SEMA3D: variants seen among roughly 807,000 people sequenced by gnomAD.
SEMA3D encodes the protein semaphorin-3D.
SEMA3D carries 84 observed loss-of-function variants against 100.1 expected under a neutral mutation model. That is an observed-to-expected ratio of 0.84 (90% CI 0.70 to 1.01). SEMA3D has a LOEUF of 1.01. SEMA3D is among the 50% of genes least tolerant of loss of function. The pLI, the probability that SEMA3D is intolerant of heterozygous loss-of-function variation, is 0.00. For missense variants in SEMA3D, 875 were observed against 934.1 expected (o/e 0.94, Z 0.82); for synonymous variants, 312 against 320.7 (o/e 0.97, Z 0.29).
chr7:85,073,153 G>C, intron 5 of SEMA3D, 72 bp from the exon 6 acceptor site: 2 of 1,329,030 alleles, frequency 1.5e-6, no homozygotes, highest in East Asian at 2.3e-5. Context: ...TATGCCACCT[G>C]TTTTCCAAGT....
intron 17 of SEMA3D, among the ~76,000 whole-genome samples, chr7:85,009,159 T>C (rs999341632): frequency 6.6e-6 from 1 of 151,696 alleles, no homozygotes; most frequent in Non-Finnish European, 1.5e-5. Context: ...ACATGTAAGA[T>C]AATTGTGGAG....
chr7:85,188,732 C>A (rs1438094793), upstream of SEMA3D, among the ~76,000 whole-genome samples: 1 of 151,884 alleles, frequency 6.6e-6, no homozygotes. Context: ...TCCCATTTTC[C>A]TCCTTTCTCT....
At chr7:85,241,467 G>GTGTGTGTATATATATATATATA in the SEMA3D span, among the ~76,000 whole-genome samples, 4 of 92,002 alleles carry the variant, frequency 4.3e-5, no homozygotes, top group African/African-American at 1.1e-4. Flanking sequence ...CTGTGTGTGT[G>GTGTGTGTATATATATATATATA]TATATATATA....
intron 1 of SEMA3D, among the ~76,000 whole-genome samples, chr7:85,173,940 C>CT (rs1436428989): frequency 1.3e-5 from 2 of 152,148 alleles, no homozygotes; most frequent in Admixed American, 6.6e-5. Context: ...ATCAAGGACT[C>CT]TGACACTTTT....
intron 8 of SEMA3D, among the ~76,000 whole-genome samples, chr7:85,060,011 G>A (rs1055502897): frequency 6.6e-6 from 1 of 152,240 alleles, no homozygotes; most frequent in East Asian, 1.9e-4. Flanking sequence ...TCAATGAGGT[G>A]GGAGGAGGAA....
intron 17 of SEMA3D, among the ~76,000 whole-genome samples, chr7:85,009,104 G>T (rs1224185150): frequency 6.6e-6 from 1 of 151,488 alleles, no homozygotes; most frequent in Non-Finnish European, 1.5e-5. Flanking sequence ...ATGTGTAAAA[G>T]TTATATACCA....
At chr7:85,001,476 T>C (rs1475336803) in intron 18 of SEMA3D, among the ~76,000 whole-genome samples, 1 of 152,230 alleles carries the variant, frequency 6.6e-6, no homozygotes, top group Non-Finnish European at 1.5e-5. Context: ...GGGAGAGTTC[T>C]AAATGGCCAA....
chr7:85,168,835 AAGAAAG>A (rs1790994336), intron 1 of SEMA3D, among the ~76,000 whole-genome samples: 1 of 58,056 alleles, frequency 1.7e-5, no homozygotes, highest in Non-Finnish European at 3.5e-5. Flanking sequence ...GAAAGAAAGA[AAGAAAG>A]AAAGAAAGAA....
intron 1 of SEMA3D, chr7:85,160,089 A>C: frequency 1.1e-6 from 1 of 916,318 alleles, no homozygotes. Context: ...TATATATCTC[A>C]ATTCCACTTT....
At chr7:85,017,737 C>T (rs1486632325) in intron 15 of SEMA3D, among the ~76,000 whole-genome samples, 1 of 151,758 alleles carries the variant, frequency 6.6e-6, no homozygotes, top group South Asian at 2.1e-4. Context: ...TGTGCCTGCT[C>T]TCTGTTTAGA....
At chr7:85,084,416 G>T (rs1171765733) in intron 4 of SEMA3D, among the ~76,000 whole-genome samples, 1 of 152,014 alleles carries the variant, frequency 6.6e-6, no homozygotes, top group Non-Finnish European at 1.5e-5. Context: ...GTACTTGCTG[G>T]TTCTTCAATA....
rs928260343 is a variant in SEMA3D at position 85,011,405 on chromosome 7, G to A, written c.1768+1377C>T. Among the ~76,000 whole-genome samples, 16 of 151,702 alleles carry A rather than the reference G, an allele frequency of 1.1e-4. 1 individual carries two copies. Among genetic ancestry groups the A allele is most frequent in the Non-Finnish European group, 1.9e-4 (13 of 67,802 alleles). Reference sequence around the variant, plus strand: ...GTGCAGTGGGTTATAGCATGAATAGGGTATGGTAAAGTGAAGACAAAAATT... The same window carrying A: ...GTGCAGTGGGTTATAGCATGAATAGAGTATGGTAAAGTGAAGACAAAAATT... On this transcript the variant is annotated intron_variant, in intron 17 of 18. Transcript: ENST00000284136.
chr7:85,153,335 C>G (rs1032327460), intron 2 of SEMA3D, among the ~76,000 whole-genome samples: 1 of 152,146 alleles, frequency 6.6e-6, no homozygotes, highest in Non-Finnish European at 1.5e-5. Context: ...TAAGATGATA[C>G]AGCAGAGACC....
intron 5 of SEMA3D, among the ~76,000 whole-genome samples, chr7:85,078,356 CGGAA>C (rs942384142): frequency 3.3e-5 from 5 of 151,108 alleles, no homozygotes; most frequent in South Asian, 2.1e-4. Context: ...AGGAAGGGAA[CGGAA>C]GGAAGGAAGG....
At chr7:85,163,889 A>G (rs1172431445) in intron 1 of SEMA3D, among the ~76,000 whole-genome samples, 2 of 152,172 alleles carry the variant, frequency 1.3e-5, no homozygotes, top group Non-Finnish European at 2.9e-5. Context: ...TGAACTGAGT[A>G]AAGTTACAGA....
rs1241897205 is a variant in SEMA3D, at chr7:85,001,712, T to C, written c.1909-1847A>G. On this transcript the variant is annotated intron_variant, in intron 18 of 18. Coordinates refer to ENST00000284136, the MANE Select transcript of SEMA3D (RefSeq NM_001384900.1). ...TTGGTGGCACAGCATATGGTGTGTTTGGGGGATTAAAAGCAAAGCTCTTTG... is the reference window on the plus strand; with the variant it reads ...TTGGTGGCACAGCATATGGTGTGTTCGGGGGATTAAAAGCAAAGCTCTTTG... 4.6e-5 allele frequency among the ~76,000 whole-genome samples: 7 copies of C among 152,136 alleles called. No individual in the cohort carries two copies. The East Asian group carries it at 1.3e-3, about 29-fold the overall frequency.
chr7:85,235,825 G>A, the SEMA3D span, among the ~76,000 whole-genome samples: 1 of 152,274 alleles, frequency 6.6e-6, no homozygotes, highest in East Asian at 1.9e-4. Context: ...CCGCAGGTCT[G>A]AGTGAAGCCA....
chr7:85,046,787 A>T (rs1468164416), intron 9 of SEMA3D, among the ~76,000 whole-genome samples: 1 of 151,976 alleles, frequency 6.6e-6, no homozygotes, highest in Non-Finnish European at 1.5e-5. Flanking sequence ...TAAGCCCAGA[A>T]GAGGGCTGAA....
the SEMA3D span, among the ~76,000 whole-genome samples, chr7:85,247,237 A>C: frequency 1.4e-4 from 21 of 152,222 alleles, no homozygotes; most frequent in South Asian, 4.3e-3. Flanking sequence ...ACATTCACCT[A>C]AGCTTTTCCC....
Sources: gnomAD v4.1 joint callset for allele counts (sites outside exome capture counted in the v4.1 genomes callset) on GRCh38, gnomAD v4.1.1 for gene constraint, MANE v1.5 for transcripts, NCBI Gene and HGNC (gene_info 2026-07-23, HGNC 2026-07-21) for gene names.